The following AUTS2 variants were observed in gnomAD, a reference collection of about 807,000 sequenced individuals.
AUTS2 encodes autism susceptibility gene 2 protein.
In AUTS2, 17 loss-of-function variants were observed where a neutral mutation model predicts 112.4. That is an observed-to-expected ratio of 0.15 (90% CI 0.10 to 0.23). AUTS2 has a LOEUF of 0.23. AUTS2 is among the 10% of genes least tolerant of loss of function. The pLI, the probability that AUTS2 is intolerant of heterozygous loss-of-function variation, is 1.00. For missense variants in AUTS2, 1,510 were observed against 1,701.6 expected (o/e 0.89, Z 1.98); for synonymous variants, 751 against 702.7 (o/e 1.07, Z -1.09).
chr7:70,606,803 A>C (rs1803800222), intron 5 of AUTS2, among the ~76,000 whole-genome samples: 1 of 149,990 alleles, frequency 6.7e-6, no homozygotes, highest in South Asian at 2.2e-4. Context: ...TGGAGGTTGC[A>C]GTGAGTCGAG....
chr7:69,726,187 G>A (rs1786504440), intron 1 of AUTS2, among the ~76,000 whole-genome samples: 1 of 152,138 alleles, frequency 6.6e-6, no homozygotes, highest in Non-Finnish European at 1.5e-5. Flanking sequence ...TTAGTTTCCG[G>A]TTTGAATCAA....
chr7:69,969,885 C>G (rs529911786), intron 2 of AUTS2, among the ~76,000 whole-genome samples: 1 of 152,252 alleles, frequency 6.6e-6, no homozygotes, highest in African/African-American at 2.4e-5. Flanking sequence ...ACAATCTCTT[C>G]AATATCCATC....
chr7:69,906,902 A>G (rs1383102597), intron 2 of AUTS2, among the ~76,000 whole-genome samples: 1 of 152,138 alleles, frequency 6.6e-6, no homozygotes, highest in Admixed American at 6.5e-5. Context: ...GAGCACAGGA[A>G]TTCAAGACCA....
intron 4 of AUTS2, among the ~76,000 whole-genome samples, chr7:70,386,581 C>T (rs1368989588): frequency 6.6e-6 from 1 of 152,178 alleles, no homozygotes; most frequent in Non-Finnish European, 1.5e-5. Context: ...CTATTCTGAA[C>T]ATTTCATCTC....
chr7:70,342,939 T>C (rs1490641092), intron 4 of AUTS2, among the ~76,000 whole-genome samples: 1 of 152,180 alleles, frequency 6.6e-6, no homozygotes, highest in African/African-American at 2.4e-5. Flanking sequence ...CTTGTAGTTT[T>C]TTAAAGAGCC....
At chr7:69,889,358 T>A (rs1439218325) in intron 1 of AUTS2, among the ~76,000 whole-genome samples, 1 of 152,224 alleles carries the variant, frequency 6.6e-6, no homozygotes, top group East Asian at 1.9e-4. Flanking sequence ...CTGTAATAAG[T>A]ACATTAATTC....
intron 1 of AUTS2, among the ~76,000 whole-genome samples, chr7:69,848,631 G>A (rs1285075689): frequency 6.6e-6 from 1 of 152,038 alleles, no homozygotes; most frequent in Non-Finnish European, 1.5e-5. Flanking sequence ...GTCATTATTG[G>A]TCTCTGCTCT....
At chr7:70,493,448 T>G (rs775654482) in intron 5 of AUTS2, among the ~76,000 whole-genome samples, 6 of 152,294 alleles carry the variant, frequency 3.9e-5, no homozygotes, top group Non-Finnish European at 8.8e-5. Flanking sequence ...TTTGGCTTGT[T>G]GTGTCAGAGA....
chr7:70,054,610 T>G (rs935371759), intron 2 of AUTS2, among the ~76,000 whole-genome samples: 13 of 152,146 alleles, frequency 8.5e-5, no homozygotes, highest in Non-Finnish European at 1.8e-4. Flanking sequence ...GACAAGATGG[T>G]TTTGGTGAAC....
chr7:70,634,467 G>C (rs1342226055), intron 5 of AUTS2, among the ~76,000 whole-genome samples: 1 of 152,162 alleles, frequency 6.6e-6, no homozygotes, highest in Non-Finnish European at 1.5e-5. Context: ...AAATGACCTT[G>C]CATGCTTGAG....
chr7:69,734,867 A>G (rs554345507), intron 1 of AUTS2, among the ~76,000 whole-genome samples: 1 of 152,260 alleles, frequency 6.6e-6, no homozygotes, highest in South Asian at 2.1e-4. Context: ...TGTGTCTGAC[A>G]TATTAATTCC....
chr7:70,018,499 C>A (rs113406489), intron 2 of AUTS2, among the ~76,000 whole-genome samples: 2 of 152,162 alleles, frequency 1.3e-5, no homozygotes, highest in Non-Finnish European at 2.9e-5. Flanking sequence ...TTTACTATAG[C>A]CATTCTGAGG....
At chr7:69,653,980 G>A (rs1795401587) in intron 1 of AUTS2, among the ~76,000 whole-genome samples, 1 of 152,168 alleles carries the variant, frequency 6.6e-6, no homozygotes, top group Non-Finnish European at 1.5e-5. Context: ...TGAATGAGGG[G>A]AAAAATTGGA....
At chr7:70,080,526 G>A (rs1803250033) in intron 2 of AUTS2, among the ~76,000 whole-genome samples, 1 of 152,188 alleles carries the variant, frequency 6.6e-6, no homozygotes, top group South Asian at 2.1e-4. Context: ...GTAAAGTTTA[G>A]CATGTACTTT....
intron 5 of AUTS2, among the ~76,000 whole-genome samples, chr7:70,610,052 T>C (rs1804005379): frequency 6.6e-6 from 1 of 152,124 alleles, no homozygotes; most frequent in African/African-American, 2.4e-5. Context: ...AGTGCAGTGG[T>C]GCGATCTTGG....
chr7:69,875,099 A>G (rs1793673926), intron 1 of AUTS2, among the ~76,000 whole-genome samples: 1 of 150,408 alleles, frequency 6.6e-6, no homozygotes, highest in South Asian at 2.1e-4. Flanking sequence ...CACGCTTTGC[A>G]TATTTATTCC....
At chr7:70,556,349 A>G (rs1801249438) in intron 5 of AUTS2, among the ~76,000 whole-genome samples, 1 of 152,250 alleles carries the variant, frequency 6.6e-6, no homozygotes, top group Non-Finnish European at 1.5e-5. Flanking sequence ...AGATTTAGGC[A>G]GGGACAAATA....
rs1166973836 is a variant in AUTS2 at position 70,631,636 on chromosome 7, C to T, written c.691-66933C>T. Among the ~76,000 whole-genome samples, 1 of 152,146 alleles carries T rather than the reference C, an allele frequency of 6.6e-6. No individual in the cohort carries two copies. The highest frequency in any genetic ancestry group is 2.4e-5 in the African/African-American group (1 of 41,434). ...GGCAGCTATGAAAATGGCCCAGCTG[C>T]AGAAAGTCATTCCTCACGAAGAAAT... On this transcript the variant is annotated intron_variant, in intron 5 of 18. Transcript: ENST00000342771. The surrounding 1 kb of genome is among the most constrained non-coding windows in gnomAD (Gnocchi z 4.5).
chr7:70,319,160 G>A (rs916312216), intron 4 of AUTS2, among the ~76,000 whole-genome samples: 1 of 152,002 alleles, frequency 6.6e-6, no homozygotes, highest in Non-Finnish European at 1.5e-5. Flanking sequence ...ATAATAAAGT[G>A]CAAAAAAAAT....
Sources: gnomAD v4.1 joint callset for allele counts (sites outside exome capture counted in the v4.1 genomes callset) on GRCh38, gnomAD v4.1.1 for gene constraint, Gnocchi (gnomAD v3.1) non-coding constraint, MANE v1.5 for transcripts, NCBI Gene and HGNC (gene_info 2026-07-23, HGNC 2026-07-21) for gene names.